LHFPL2: variants seen among roughly 807,000 people sequenced by gnomAD.
LHFPL2 encodes the protein LHFPL tetraspan subfamily member 2.
Under a neutral mutation model 17.5 loss-of-function variants are expected in LHFPL2, and 7 were observed. The observed-to-expected ratio is 0.40, with a 90% CI of 0.23 to 0.75. LHFPL2 has a LOEUF of 0.75. LHFPL2 is among the 30% of genes least tolerant of loss of function. The probability of loss-of-function intolerance (pLI) is 0.37; values close to 1 mark genes in which losing one functional copy is unlikely to be tolerated. For synonymous variants in LHFPL2, 134 were observed against 116.2 expected, an observed-to-expected ratio of 1.15 and a Z score of -0.99; for missense variants, 241 against 294.8, an observed-to-expected ratio of 0.82 and a Z score of 1.34.
chr5:78,509,446 A>T (rs1440147711), intron 4 of LHFPL2, among the ~76,000 whole-genome samples: 5 of 152,216 alleles, frequency 3.3e-5, no homozygotes, highest in Admixed American at 3.3e-4. Context: ...AGTTGCACTG[A>T]AGTGGAGAGC....
intron 3 of LHFPL2, among the ~76,000 whole-genome samples, chr5:78,517,065 G>A (rs1755314991): frequency 6.6e-6 from 1 of 152,172 alleles, no homozygotes; most frequent in African/African-American, 2.4e-5. Context: ...TACTCAGGTG[G>A]CCTTGGCCAC....
intron 3 of LHFPL2, among the ~76,000 whole-genome samples, chr5:78,511,276 C>A (rs148368939): frequency 1.3e-5 from 2 of 152,348 alleles, no homozygotes; most frequent in Non-Finnish European, 2.9e-5. Flanking sequence ...TGTGCCTCTG[C>A]CTAAGCTTCG....
intron 3 of LHFPL2, among the ~76,000 whole-genome samples, chr5:78,547,411 A>G (rs1756311903): frequency 1.3e-5 from 2 of 152,206 alleles, no homozygotes; most frequent in African/African-American, 2.4e-5. Flanking sequence ...CAGTGTTTAC[A>G]TGGCTGTGCC....
Position 78,648,092 on chromosome 5 carries a change from G to A in LHFPL2, c.-350+407C>T, listed in dbSNP as rs940189640. Reference sequence around the variant, plus strand: ...GGGGCGACCACGGGGCGGCCCCCAGGGAGCGGTGCCAGGCGCGCTGGAACC... The same window carrying A: ...GGGGCGACCACGGGGCGGCCCCCAGAGAGCGGTGCCAGGCGCGCTGGAACC... On this transcript the variant is annotated intron_variant, in intron 1 of 4. Transcript: ENST00000380345. The surrounding 1 kb of genome is among the most constrained non-coding windows in gnomAD (Gnocchi z 5.4). Among the ~76,000 whole-genome samples the A allele has an allele frequency of 6.6e-6, 1 of 152,176 alleles. No individual in the cohort carries two copies. Among genetic ancestry groups the A allele is most frequent in the Non-Finnish European group, 1.5e-5 (1 of 68,024 alleles).
intron 2 of LHFPL2, among the ~76,000 whole-genome samples, chr5:78,570,047 C>T (rs1756955418): frequency 6.6e-6 from 1 of 152,176 alleles, no homozygotes; most frequent in African/African-American, 2.4e-5. Flanking sequence ...CATGTTCATT[C>T]ACATAATTCT....
At chr5:78,639,883 T>C (rs1042057555) in intron 1 of LHFPL2, among the ~76,000 whole-genome samples, 1 of 152,250 alleles carries the variant, frequency 6.6e-6, no homozygotes, top group Non-Finnish European at 1.5e-5. Flanking sequence ...GCACCACTTA[T>C]CTGAAGATTG....
intron 3 of LHFPL2, among the ~76,000 whole-genome samples, chr5:78,525,080 T>C (rs535135301): frequency 3.3e-5 from 5 of 152,318 alleles, no homozygotes. Flanking sequence ...GCAGCATTCC[T>C]AGCTTCTTCC....
At chr5:78,527,386 T>C (rs78300621) in intron 3 of LHFPL2, among the ~76,000 whole-genome samples, 28 of 149,272 alleles carry the variant, frequency 1.9e-4, no homozygotes, top group Admixed American at 6.0e-4. Flanking sequence ...TTTTTTTTTT[T>C]CCAAAAGTTC....
chr5:78,583,821 T>C (rs1311633501), intron 2 of LHFPL2, among the ~76,000 whole-genome samples: 20 of 149,606 alleles, frequency 1.3e-4, no homozygotes, highest in Non-Finnish European at 2.1e-4. Context: ...TGAATCTGAA[T>C]GTTGGCCTGC....
chr5:78,491,738 AATTG>A (rs146518895), intron 4 of LHFPL2, among the ~76,000 whole-genome samples: 1,569 of 152,346 alleles, frequency 0.01, 36 homozygotes, highest in African/African-American at 0.036. Context: ...GGTGGCTGTG[AATTG>A]TGAAGTCTGT....
At chr5:78,594,362 A>T (rs1743754765) in intron 2 of LHFPL2, among the ~76,000 whole-genome samples, 1 of 152,212 alleles carries the variant, frequency 6.6e-6, no homozygotes, top group South Asian at 2.1e-4. Flanking sequence ...CACATTAATT[A>T]ACTATTAGCT....
intron 3 of LHFPL2, among the ~76,000 whole-genome samples, chr5:78,534,267 G>A (rs1208761930): frequency 2.6e-5 from 4 of 152,216 alleles, no homozygotes; most frequent in Admixed American, 2.0e-4. Flanking sequence ...CCCGCAGTGT[G>A]CTCCACAGAG....
chr5:78,645,555 C>T (rs1004887910), intron 1 of LHFPL2, among the ~76,000 whole-genome samples: 25 of 129,692 alleles, frequency 1.9e-4, no homozygotes, highest in Middle Eastern at 4.3e-3. Context: ...CACACACACA[C>T]ACACACACAC....
intron 2 of LHFPL2, among the ~76,000 whole-genome samples, chr5:78,577,303 C>T (rs750736376): frequency 1.8e-4 from 28 of 152,176 alleles, no homozygotes; most frequent in Non-Finnish European, 2.6e-4. Context: ...AAAAGGCCAT[C>T]TTGGTCAGCC....
intron 1 of LHFPL2, among the ~76,000 whole-genome samples, chr5:78,634,394 T>C (rs760119632): frequency 2.0e-5 from 3 of 152,176 alleles, no homozygotes; most frequent in Admixed American, 1.3e-4. Context: ...TCAGTGCACC[T>C]CAAGTAGTGC....
intron 1 of LHFPL2, among the ~76,000 whole-genome samples, chr5:78,646,928 A>T (rs1745903509): frequency 6.6e-6 from 1 of 152,180 alleles, no homozygotes; most frequent in South Asian, 2.1e-4. Flanking sequence ...GGCTGCTCTG[A>T]AGACAAATGA....
intron 2 of LHFPL2, among the ~76,000 whole-genome samples, chr5:78,591,872 A>C (rs1397140394): frequency 2.0e-5 from 3 of 152,238 alleles, no homozygotes; most frequent in African/African-American, 7.2e-5. Flanking sequence ...AATAAAGGGC[A>C]GCACATATAA....
At chr5:78,541,926 T>A (rs1756125892) in intron 3 of LHFPL2, among the ~76,000 whole-genome samples, 2 of 152,206 alleles carry the variant, frequency 1.3e-5, no homozygotes, top group African/African-American at 4.8e-5. Flanking sequence ...ACATTTTTTT[T>A]ATAAAAAGCA....
chr5:78,617,582 T>A (rs1744665583), intron 2 of LHFPL2, among the ~76,000 whole-genome samples: 1 of 152,000 alleles, frequency 6.6e-6, no homozygotes, highest in South Asian at 2.1e-4. Flanking sequence ...TAAAAGGTGC[T>A]TCCAACCCCA....
Sources: gnomAD v4.1 joint callset for allele counts (sites outside exome capture counted in the v4.1 genomes callset) on GRCh38, gnomAD v4.1.1 for gene constraint, Gnocchi (gnomAD v3.1) non-coding constraint, MANE v1.5 for transcripts, NCBI Gene and HGNC (gene_info 2026-07-23, HGNC 2026-07-21) for gene names.